Variants in CEACAM6 observed in about 807,000 individuals in gnomAD.
CEACAM6 encodes CEA cell adhesion molecule 6, also known as cell adhesion molecule CEACAM6.
A neutral mutation model predicts 32.4 loss-of-function variants in CEACAM6; 21 were observed. The ratio of observed to expected loss-of-function variants is 0.65; its 90% CI spans 0.46 to 0.93. The LOEUF is 0.93. CEACAM6 is among the 40% of genes least tolerant of loss of function. The pLI is 0.00. For missense variants in CEACAM6, 406 were observed against 432.2 expected (o/e 0.94, Z 0.54); for synonymous variants, 184 against 174.4 (o/e 1.06, Z -0.43).
intron 4 of CEACAM6, among the ~76,000 whole-genome samples, chr19:41,762,891 A>T (rs2072935318): frequency 2.0e-5 from 3 of 152,142 alleles, no homozygotes. Context: ...GAAGACATGG[A>T]GCCTCATGAC....
At position 41,756,936 on chromosome 19, in the gene CEACAM6, C is replaced by T. The variant is rs782398702; in HGVS notation, c.401C>T (p.Ala134Val). The change falls in exon 2 of 6, where the codon GCA (alanine) becomes GTA (valine). Residue 134 changes from alanine (A) to valine (V), a missense_variant. Coordinates refer to ENST00000199764, the MANE Select transcript of CEACAM6 (RefSeq NM_002483.7). ...VIKSDLVNEE[A>V]TGQFHVYPEL... The stretch of plus-strand genomic sequence containing the variant: ...AAGTCAGATCTTGTGAATGAAGAAG[C>T]AACCGGACAGTTCCATGTATACCGT... 211 of 1,611,550 alleles carry T rather than the reference C, an allele frequency of 1.3e-4. No homozygotes were observed. Among genetic ancestry groups the T allele is most frequent in the Middle Eastern group, 8.3e-4 (5 of 6,050 alleles).
chr19:41,759,183 G>A (rs2072907921), intron 2 of CEACAM6, among the ~76,000 whole-genome samples: 1 of 152,210 alleles, frequency 6.6e-6, no homozygotes, highest in Admixed American at 6.5e-5. Flanking sequence ...GGTGCTGTCT[G>A]ATGGGTTTGC....
intron 2 of CEACAM6, among the ~76,000 whole-genome samples, chr19:41,758,818 C>A (rs781822864): frequency 1.3e-5 from 2 of 152,168 alleles, no homozygotes; most frequent in African/African-American, 4.8e-5. Flanking sequence ...GTGTCCTGGC[C>A]CACATCCCAG....
chr19:41,756,492 A>G (rs2072886097), intron 1 of CEACAM6, 108 bp from the exon 2 acceptor site: 5 of 1,431,824 alleles, frequency 3.5e-6, no homozygotes, highest in African/African-American at 2.9e-5. Flanking sequence ...ACACACACAC[A>G]CGCTCCAACG....
intron 2 of CEACAM6, 58 bp downstream of exon 2, chr19:41,757,017 G>A: frequency 6.4e-7 from 1 of 1,555,002 alleles, no homozygotes. Flanking sequence ...CCCACATACG[G>A]GATTGTCAGG....
chr19:41,767,495 C>A (rs370808300), intron 5 of CEACAM6, among the ~76,000 whole-genome samples: 1 of 152,092 alleles, frequency 6.6e-6, no homozygotes, highest in South Asian at 2.1e-4. Context: ...TAGAAAGGAG[C>A]GAATGCCACA....
At chr19:41,758,700 T>C (rs2072904438) in intron 2 of CEACAM6, among the ~76,000 whole-genome samples, 1 of 152,144 alleles carries the variant, frequency 6.6e-6, no homozygotes, top group African/African-American at 2.4e-5. Context: ...TCCTCCCCTT[T>C]CATTCTAGCT....
At position 41,762,057 on chromosome 19, in the gene CEACAM6, C is replaced by T. The variant is rs1555821970; in HGVS notation, c.792C>T (p.Asn264=). Residue 264 remains asparagine, a synonymous_variant, in exon 4 of 6, where the codon AAC becomes AAT. Coordinates refer to ENST00000199764, the MANE Select transcript of CEACAM6 (RefSeq NM_002483.7). Reference sequence around the variant, plus strand: ...ACCTCTCCTGCCACGCAGCCTCTAACCCACCTGCACAGTACTCTTGGTTTA... The same window carrying T: ...ACCTCTCCTGCCACGCAGCCTCTAATCCACCTGCACAGTACTCTTGGTTTA... The part of the protein sequence containing the change: ...NLNLSCHAAS[N]PPAQYSWFIN... The T allele has an allele frequency of 6.2e-7, 1 of 1,614,206 alleles. No homozygotes were observed. Among genetic ancestry groups the T allele is most frequent in the South Asian group, 1.1e-5 (1 of 91,082 alleles).
chr19:41,761,161 G>A, intron 2 of CEACAM6, 88 bp from the exon 3 acceptor site: 5 of 1,595,982 alleles, frequency 3.1e-6, no homozygotes, highest in Non-Finnish European at 2.6e-6. Context: ...GGGGCTGAGA[G>A]GTGAGAGATG....
intron 2 of CEACAM6, 122 bp from the exon 3 acceptor site, chr19:41,761,127 G>A: frequency 6.4e-7 from 1 of 1,550,818 alleles, no homozygotes. Flanking sequence ...ACACACACCT[G>A]CCAGGGGCTT....
At position 41,766,203 on chromosome 19, in the gene CEACAM6, G is replaced by T; in HGVS notation, c.979G>T (p.Ala327Ser). The change falls in exon 5 of 6, where the codon GCT (alanine) becomes TCT (serine). Residue 327 changes from alanine (A) to serine (S), a missense_variant. Transcript: ENST00000199764. ...ACAAGGAAGTGCTCCTGTCCTCTCA[G>T]CTGTGGCCACCGTCGGCATCACGAT... ...TVSGSAPVLSAVATVGITIGV... is the reference protein window; with the variant it reads ...TVSGSAPVLSSVATVGITIGV... The T allele has an allele frequency of 1.2e-6, 2 of 1,608,302 alleles. No individual in the cohort carries two copies. The highest frequency in any genetic ancestry group is 1.7e-6 in the Non-Finnish European group (2 of 1,177,718).
intron 2 of CEACAM6, 24 bp downstream of exon 2, chr19:41,756,983 G>A: frequency 6.4e-7 from 1 of 1,574,498 alleles, no homozygotes; most frequent in Non-Finnish European, 8.6e-7. Context: ...CATGACCTCT[G>A]GGTGTTGGGG....
chr19:41,756,485 C>CACACAT (rs1385709662), intron 1 of CEACAM6, 115 bp from the exon 2 acceptor site: 6 of 1,479,304 alleles, frequency 4.1e-6, no homozygotes, highest in Non-Finnish European at 5.4e-6. Flanking sequence ...CACACACACA[C>CACACAT]ACACACACGC....
Position 41,766,219 on chromosome 19 carries a change from G to T in CEACAM6, c.995G>T (p.Gly332Val). ...GTCCTCTCAGCTGTGGCCACCGTCGGCATCACGATTGGAGTGCTGGCCAGG... is the reference window on the plus strand; with the variant it reads ...GTCCTCTCAGCTGTGGCCACCGTCGTCATCACGATTGGAGTGCTGGCCAGG... ...APVLSAVATV[G>V]ITIGVLARVA... Residue 332 changes from glycine (G) to valine (V), a missense_variant, in exon 5 of 6, where the codon GGC becomes GTC. Coordinates refer to ENST00000199764, the MANE Select transcript of CEACAM6 (RefSeq NM_002483.7). 1 of 1,607,504 alleles carries T rather than the reference G, an allele frequency of 6.2e-7. No homozygotes were observed. Among genetic ancestry groups the T allele is most frequent in the Non-Finnish European group, 8.5e-7 (1 of 1,177,460 alleles).
In CEACAM6 at chr19:41,755,722, G is replaced by A. The variant is rs782202057; in HGVS notation, c.64+20G>A. On this transcript the variant is annotated intron_variant, in intron 1 of 5. Coordinates refer to ENST00000199764, the MANE Select transcript of CEACAM6 (RefSeq NM_002483.7). ...TCACAGGTGAGGGGAGGACTCCCTCGGAGTGGATGGGAGGAGGGAGCACAG... is the reference window on the plus strand; with the variant it reads ...TCACAGGTGAGGGGAGGACTCCCTCAGAGTGGATGGGAGGAGGGAGCACAG... 15 of 1,586,284 alleles carry A rather than the reference G, an allele frequency of 9.5e-6. No homozygotes were observed. Among genetic ancestry groups the A allele is most frequent in the African/African-American group, 2.7e-5 (2 of 73,288 alleles).
intron 1 of CEACAM6, 115 bp from the exon 2 acceptor site, chr19:41,756,485 C>CACAT: frequency 6.8e-7 from 1 of 1,479,392 alleles, no homozygotes; most frequent in Non-Finnish European, 9.0e-7. Context: ...CACACACACA[C>CACAT]ACACACACGC....
chr19:41,762,942 T>C (rs1390387251), intron 4 of CEACAM6, among the ~76,000 whole-genome samples: 3 of 152,134 alleles, frequency 2.0e-5, no homozygotes, highest in Non-Finnish European at 2.9e-5. Flanking sequence ...TCACTGGCTG[T>C]ATAAGACTGT....
At chr19:41,759,720 C>T (rs1045669997) in intron 2 of CEACAM6, among the ~76,000 whole-genome samples, 8 of 152,264 alleles carry the variant, frequency 5.3e-5, no homozygotes, top group African/African-American at 9.6e-5. Context: ...ACATTAGTAA[C>T]GATCTCCACT....
rs146107557 is a variant in CEACAM6, at chr19:41,756,123, C to G, written c.64+421C>G. On this transcript the variant is annotated intron_variant, in intron 1 of 5. Coordinates refer to ENST00000199764, the MANE Select transcript of CEACAM6 (RefSeq NM_002483.7). ...ATCAATTTTAGTCAATGGCATACAACAAGCATCAGACAAGTCTCAGTCATC... is the reference window on the plus strand; with the variant it reads ...ATCAATTTTAGTCAATGGCATACAAGAAGCATCAGACAAGTCTCAGTCATC... Among the ~76,000 whole-genome samples the G allele has an allele frequency of 7.3e-3, 1,114 of 152,246 alleles. 8 individuals carry two copies. The highest frequency in any genetic ancestry group is 0.027 in the Middle Eastern group (8 of 292).
Sources: gnomAD v4.1 joint callset for allele counts (sites outside exome capture counted in the v4.1 genomes callset) on GRCh38, gnomAD v4.1.1 for gene constraint, MANE v1.5 for transcripts, NCBI Gene and HGNC (gene_info 2026-07-23, HGNC 2026-07-21) for gene names.